CBX2: variants seen among roughly 807,000 people sequenced by gnomAD.
CBX2 encodes chromobox 2.
CBX2 carries 11 observed loss-of-function variants against 21.0 expected under a neutral mutation model. The observed-to-expected ratio is 0.52, with a 90% confidence interval of 0.33 to 0.87. The LOEUF is 0.87. Ranked by LOEUF, CBX2 falls within the 40% of genes least tolerant of loss-of-function variation. The pLI is 0.02. For missense variants in CBX2, 746 were observed against 724.3 expected (o/e 1.03, Z -0.34); for synonymous variants, 364 against 304.6 (o/e 1.19, Z -2.03).
At chr17:79,777,934 CGCCCCCGCCCGGGGCCCCGCGCGGGA>C (rs1199637972), upstream of CBX2, among the ~76,000 whole-genome samples, 6 of 145,508 alleles carry the variant, frequency 4.1e-5, no homozygotes, top group Non-Finnish European at 7.6e-5. Context: ...CCCCCGCCCC[CGCCCCCGCCCGGGGCCCCGCGCGGGA>C]CCCCCCGCCG....
intron 3 of CBX2, 124 bp downstream of exon 3, chr17:79,779,551 A>T: frequency 2.4e-6 from 2 of 842,904 alleles, no homozygotes; most frequent in South Asian, 1.5e-5. Flanking sequence ...TCCCTTAGCA[A>T]GATTGTGTCC....
intron 3 of CBX2, among the ~76,000 whole-genome samples, chr17:79,781,168 TA>T (rs1413025912): frequency 6.6e-6 from 1 of 152,074 alleles, no homozygotes; most frequent in South Asian, 2.1e-4. Context: ...GAGGTATTTT[TA>T]AAAAGGAAAC....
chr17:79,784,330 AAG>A lies in CBX2; in HGVS notation c.888_889del (p.Glu298AlafsTer114). ...CTGGACCTGAAGGTGAGGACGCAGA[AAG>A]GGGAGCTGGGAATGAGCCCTCCAGG... On this transcript the variant is annotated frameshift_variant, in exon 5 of 5. Coordinates refer to ENST00000310942, the MANE Select transcript of CBX2 (RefSeq NM_005189.3). LOFTEE classifies it low-confidence loss of function (END_TRUNC). This position sits in a 1 kb window ranked among gnomAD's most constrained non-coding sequence, Gnocchi z 5.9. 6.2e-7 allele frequency: 1 copy of A among 1,613,258 alleles called. No homozygotes were observed. The highest frequency in any genetic ancestry group is 8.5e-7 in the Non-Finnish European group (1 of 1,179,942).
At chr17:79,781,593 A>G (rs1568500220) in intron 3 of CBX2, 103 bp from the exon 4 acceptor site, 5 of 990,942 alleles carry the variant, frequency 5.0e-6, no homozygotes, top group Non-Finnish European at 8.1e-6. Context: ...AGGATAAGCT[A>G]TTACAGGCCA....
intron 4 of CBX2, 118 bp downstream of exon 4, chr17:79,781,919 G>A: frequency 1.2e-6 from 2 of 1,614,180 alleles, no homozygotes; most frequent in Non-Finnish European, 1.7e-6. Context: ...CCAACAGTCT[G>A]TCCCTCTACT....
chr17:79,785,269 C>T lies in CBX2; in HGVS notation c.*227C>T. Reference sequence around the variant, plus strand: ...CTTGTTGGTCTCCACCTTGTTCCTACCTCTGCAGGCCTCTTTGCTCTCCCC... The same window carrying T: ...CTTGTTGGTCTCCACCTTGTTCCTATCTCTGCAGGCCTCTTTGCTCTCCCC... On this transcript the variant is annotated 3_prime_UTR_variant, in exon 5 of 5. Transcript: ENST00000310942. The T allele has an allele frequency of 3.4e-6, 2 of 592,010 alleles. No homozygotes were observed. Among genetic ancestry groups the T allele is most frequent in the Non-Finnish European group, 6.0e-6 (2 of 331,726 alleles). The allele number at this position is 592,010 out of a possible 1,614,324, so 36.7% of individuals were successfully genotyped here.
Position 79,779,424 on chromosome 17 carries a change from A to G in CBX2, c.179A>G (p.Lys60Arg). ...LDPRLLLAFQ[K>R]KEHEKEVQNR... ...CCGAGGCTGCTCCTGGCCTTCCAGAAGAAGTGAGGACGCTGACAGCACTGG... is the reference window on the plus strand; with the variant it reads ...CCGAGGCTGCTCCTGGCCTTCCAGAGGAAGTGAGGACGCTGACAGCACTGG... Residue 60 changes from lysine (K) to arginine (R), a missense_variant, in exon 3 of 5, where the codon AAG becomes AGG. Around this residue, in one of 2 missense-constraint regions of CBX2, gnomAD observed 701 missense variants for 650.7 expected, o/e 1.08. Coordinates refer to ENST00000310942, the MANE Select transcript of CBX2 (RefSeq NM_005189.3). 1.2e-6 allele frequency: 2 copies of G among 1,611,952 alleles called. No individual in the cohort carries two copies. Among genetic ancestry groups the G allele is most frequent in the Non-Finnish European group, 1.7e-6 (2 of 1,179,468 alleles).
upstream of CBX2, among the ~76,000 whole-genome samples, chr17:79,777,657 C>T (rs1439799093): frequency 6.6e-6 from 1 of 152,062 alleles, no homozygotes; most frequent in Admixed American, 6.5e-5. Context: ...CCCCCGCTGC[C>T]GAGGAAAAGC....
intron 4 of CBX2, chr17:79,782,469 GGGA>G (rs1434749151): frequency 7.8e-5 from 97 of 1,236,500 alleles, no homozygotes; most frequent in Non-Finnish European, 9.2e-5. Context: ...GACAGGATGG[GGGA>G]GGAGGGCCTG....
chr17:79,780,326 G>T (rs540434039), intron 3 of CBX2, among the ~76,000 whole-genome samples: 214 of 152,364 alleles, frequency 1.4e-3, no homozygotes, highest in African/African-American at 4.7e-3. Flanking sequence ...ACTGTAGCGG[G>T]ACATATTGGG....
At position 79,782,202 on chromosome 17, in the gene CBX2, C is replaced by A. The variant is rs1555830571; in HGVS notation, c.288+401C>A. Reference sequence around the variant, plus strand: ...GACTCAAAAGCCTAAGATTTGGGGGCTACTCCGGGCCCACCTGCGGGTGCA... The same window carrying A: ...GACTCAAAAGCCTAAGATTTGGGGGATACTCCGGGCCCACCTGCGGGTGCA... On this transcript the variant is annotated intron_variant, in intron 4 of 4. Transcript: ENST00000310942. 9 of 1,609,604 alleles carry A rather than the reference C, an allele frequency of 5.6e-6. No homozygotes were observed. The Admixed American group carries it at 1.5e-4, about 27-fold the overall frequency.
chr17:79,782,476 G>T, intron 4 of CBX2: 1 of 1,222,870 alleles, frequency 8.2e-7, no homozygotes, highest in Non-Finnish European at 1.0e-6. Context: ...TGGGGGAGGA[G>T]GGCCTGGCCT....
chr17:79,782,487 C>G, intron 4 of CBX2: 1 of 1,202,080 alleles, frequency 8.3e-7, no homozygotes, highest in Non-Finnish European at 1.0e-6. Context: ...GGCCTGGCCT[C>G]AGTCCCGGGT....
chr17:79,784,844 G>A lies in CBX2; in HGVS notation c.1401G>A (p.Ser467=), dbSNP rs912043939. ...EMSAGEESSS[S]DSDPDSASPP... is the part of the protein sequence containing the mutation. ...GCGCAGGTGAGGAGAGTAGCAGCTC[G>A]GACTCCGACCCCGACTCCGCCTCGC... is the stretch of plus-strand genomic sequence containing the variant. The change falls in exon 5 of 5, where the codon TCG becomes TCA. Residue 467 remains serine (S), a synonymous_variant. Transcript: ENST00000310942. The surrounding 1 kb of genome is among the most constrained non-coding windows in gnomAD (Gnocchi z 5.9). 121 of 1,612,610 alleles carry A rather than the reference G, an allele frequency of 7.5e-5. No homozygotes were observed. In the Admixed American group the frequency reaches 1.1e-3, roughly 14 times the overall value.
chr17:79,782,320 T>C (rs1028731757), intron 4 of CBX2: 135 of 1,498,154 alleles, frequency 9.0e-5, no homozygotes, highest in Non-Finnish European at 1.1e-4. Context: ...CAGTGTGGGC[T>C]GATGATGTGC....
chr17:79,784,023 G>A lies in CBX2; in HGVS notation c.580G>A (p.Gly194Arg), dbSNP rs1301092687. 6.2e-7 allele frequency: 1 copy of A among 1,613,068 alleles called. No homozygotes were observed. The highest frequency in any genetic ancestry group is 8.5e-7 in the Non-Finnish European group (1 of 1,179,962). ...GCTGAAGACCGCCCGGAAGGATCTG[G>A]GGGCCCCGGCCAGCAAGCTGCCCCC... is the stretch of plus-strand genomic sequence containing the variant. Reference protein sequence around the residue: ...KVLKTARKDLGAPASKLPPPL... With the variant: ...KVLKTARKDLRAPASKLPPPL... The change falls in exon 5 of 5, where the codon GGG (glycine) becomes AGG (arginine). Residue 194 changes from glycine to arginine, a missense_variant. Gly to Arg is a moderately radical substitution (Grantham distance 125). Transcript: ENST00000310942. This position sits in a 1 kb window ranked among gnomAD's most constrained non-coding sequence, Gnocchi z 5.9.
At position 79,778,646 on chromosome 17, in the gene CBX2, C is replaced by T. The variant is rs1310150588; in HGVS notation, c.116+219C>T. ...CGCCCGCGGGTGCAGAGCTGGGCGG[C>T]CCCCCGCGCCAGAACCTCCTCGGCT... On this transcript the variant is annotated intron_variant, in intron 2 of 4. Transcript: ENST00000310942. The surrounding 1 kb of genome is among the most constrained non-coding windows in gnomAD (Gnocchi z 4.8). Among the ~76,000 whole-genome samples the T allele has an allele frequency of 1.3e-5, 2 of 151,850 alleles. No homozygotes were observed. The highest frequency in any genetic ancestry group is 2.4e-5 in the African/African-American group (1 of 41,356).
chr17:79,781,563 A>C (rs1320944871), intron 3 of CBX2, 133 bp from the exon 4 acceptor site: 4 of 798,314 alleles, frequency 5.0e-6, no homozygotes, highest in Non-Finnish European at 8.9e-6. Flanking sequence ...TGGGTATTTG[A>C]TGATGTGTTT....
Position 79,784,012 on chromosome 17 carries a change from G to A in CBX2, c.569G>A (p.Arg190Gln), listed in dbSNP as rs367955260. The A allele has an allele frequency of 3.3e-5, 53 of 1,613,112 alleles. 1 individual carries two copies. The highest frequency in any genetic ancestry group is 1.6e-4 in the East Asian group (7 of 44,886). The change falls in exon 5 of 5, where the codon CGG (arginine) becomes CAG (glutamine). Residue 190 changes from arginine (R) to glutamine (Q), a missense_variant. Transcript: ENST00000310942. This position sits in a 1 kb window ranked among gnomAD's most constrained non-coding sequence, Gnocchi z 5.9. ...VSLAKVLKTA[R>Q]KDLGAPASKL... The stretch of plus-strand genomic sequence containing the variant: ...CTGGCCAAGGTGCTGAAGACCGCCC[G>A]GAAGGATCTGGGGGCCCCGGCCAGC...
Sources: allele counts gnomAD v4.1 joint callset (sites outside exome capture counted in the v4.1 genomes callset), GRCh38; gene constraint gnomAD v4.1.1; regional missense constraint gnomAD v4.1.1; non-coding constraint Gnocchi (gnomAD v3.1); transcripts MANE v1.5; gene names NCBI Gene and HGNC (gene_info 2026-07-23, HGNC 2026-07-21).